Variants in RBPMS observed in about 807,000 individuals in gnomAD.
RBPMS encodes the protein RNA-binding protein with multiple splicing.
In RBPMS, 7 loss-of-function variants were observed where a neutral mutation model predicts 26.8. The ratio of observed to expected loss-of-function variants is 0.26; its 90% CI spans 0.15 to 0.49. The LOEUF is 0.49. Ranked by LOEUF, RBPMS falls within the 20% of genes least tolerant of loss-of-function variation. The pLI is 0.98. For missense variants in RBPMS, 186 were observed against 250.0 expected, an observed-to-expected ratio of 0.74 and a Z score of 1.73; for synonymous variants, 96 against 93.3, an observed-to-expected ratio of 1.03 and a Z score of -0.17.
chr8:30,411,873 C>T (rs984455046), intron 1 of RBPMS, among the ~76,000 whole-genome samples: 3 of 151,624 alleles, frequency 2.0e-5, no homozygotes, highest in Admixed American at 2.0e-4. Flanking sequence ...GTAATCCCAG[C>T]TACTCAGGAG....
chr8:30,532,031 GA>G (rs1824275293), intron 5 of RBPMS, among the ~76,000 whole-genome samples: 1 of 152,160 alleles, frequency 6.6e-6, no homozygotes, highest in African/African-American at 2.4e-5. Flanking sequence ...AGGGCTGTGA[GA>G]TTTCTTTTAA....
chr8:30,441,095 G>A (rs1229316261), intron 1 of RBPMS, among the ~76,000 whole-genome samples: 8 of 152,058 alleles, frequency 5.3e-5, no homozygotes, highest in Non-Finnish European at 1.5e-5. Context: ...TGGAACTACA[G>A]GAGTGAGCTA....
chr8:30,559,042 CT>C, intron 7 of RBPMS, 86 bp downstream of exon 7: 1 of 1,095,148 alleles, frequency 9.1e-7, no homozygotes, highest in Non-Finnish European at 1.4e-6. Flanking sequence ...AGCTCTCCTC[CT>C]TTCTCTGCAC....
chr8:30,418,413 G>A (rs1045877394), intron 1 of RBPMS, among the ~76,000 whole-genome samples: 1 of 152,102 alleles, frequency 6.6e-6, no homozygotes, highest in African/African-American at 2.4e-5. Flanking sequence ...GTAATCATTG[G>A]CTAGAAGAGG....
intron 1 of RBPMS, among the ~76,000 whole-genome samples, chr8:30,419,360 C>T (rs566151476): frequency 3.9e-5 from 6 of 151,990 alleles, no homozygotes; most frequent in East Asian, 1.9e-4. Context: ...GCAGGAGAAT[C>T]GCTTGAAACT....
chr8:30,510,817 C>T (rs932773235), intron 5 of RBPMS, among the ~76,000 whole-genome samples: 6 of 152,154 alleles, frequency 3.9e-5, no homozygotes, highest in Non-Finnish European at 8.8e-5. Flanking sequence ...AAGCAATCCA[C>T]CTGCCTTGGC....
intron 8 of RBPMS, among the ~76,000 whole-genome samples, chr8:30,570,357 G>C (rs1828191389): frequency 6.6e-6 from 1 of 152,180 alleles, no homozygotes; most frequent in Non-Finnish European, 1.5e-5. Context: ...AAGATGGCAG[G>C]AAAAGGAGTG....
At chr8:30,386,085 C>T (rs1339580224) in intron 1 of RBPMS, among the ~76,000 whole-genome samples, 1 of 152,172 alleles carries the variant, frequency 6.6e-6, no homozygotes, top group Non-Finnish European at 1.5e-5. Context: ...AGTTCTTAAA[C>T]ATTCTAGAGG....
At chr8:30,441,436 A>G (rs1813064338) in intron 1 of RBPMS, among the ~76,000 whole-genome samples, 1 of 152,220 alleles carries the variant, frequency 6.6e-6, no homozygotes. Flanking sequence ...ATTAGAAAAA[A>G]GTAAAGTTCA....
In RBPMS at chr8:30,443,921, C is replaced by G. The variant is rs183290743; in HGVS notation, c.67-30858C>G. 3.9e-3 allele frequency among the ~76,000 whole-genome samples: 568 copies of G among 146,666 alleles called. 4 individuals are homozygous for G. Among genetic ancestry groups the G allele is most frequent in the Non-Finnish European group, 5.2e-3 (349 of 66,880 alleles). On this transcript the variant is annotated intron_variant, in intron 1 of 8. Transcript: ENST00000397323. Reference sequence around the variant, plus strand: ...CAGATTTTGTATTGATTTATTAATTCACTGAGACAGAGTCTGTCTCTATTG... The same window carrying G: ...CAGATTTTGTATTGATTTATTAATTGACTGAGACAGAGTCTGTCTCTATTG...
intron 6 of RBPMS, among the ~76,000 whole-genome samples, chr8:30,551,406 G>T (rs1826366829): frequency 6.6e-6 from 1 of 152,156 alleles, no homozygotes; most frequent in African/African-American, 2.4e-5. Context: ...CTCACCCCAA[G>T]GAGACTTCCG....
chr8:30,461,426 G>A (rs1439024609), intron 1 of RBPMS, among the ~76,000 whole-genome samples: 3 of 152,020 alleles, frequency 2.0e-5, no homozygotes, highest in African/African-American at 4.8e-5. Context: ...ATGAAGCCTC[G>A]CCCTGTCGCC....
At chr8:30,555,344 C>T (rs549329704) in intron 6 of RBPMS, among the ~76,000 whole-genome samples, 1 of 152,262 alleles carries the variant, frequency 6.6e-6, no homozygotes, top group Admixed American at 6.5e-5. Context: ...AATAACTTAC[C>T]ACTATTGTTA....
intron 5 of RBPMS, among the ~76,000 whole-genome samples, chr8:30,506,133 C>T (rs1585694511): frequency 6.6e-6 from 1 of 152,152 alleles, no homozygotes; most frequent in African/African-American, 2.4e-5. Context: ...ACATGCTATA[C>T]AAAAGCAACA....
chr8:30,413,285 G>A (rs1433931459), intron 1 of RBPMS, among the ~76,000 whole-genome samples: 1 of 152,026 alleles, frequency 6.6e-6, no homozygotes, highest in Non-Finnish European at 1.5e-5. Flanking sequence ...TTGCCAGGCT[G>A]GTCTCAAACT....
intron 5 of RBPMS, among the ~76,000 whole-genome samples, chr8:30,543,005 G>A (rs1010797703): frequency 6.6e-6 from 1 of 152,198 alleles, no homozygotes; most frequent in South Asian, 2.1e-4. Flanking sequence ...CTCCCACCTA[G>A]ATGCACAGGC....
intron 1 of RBPMS, chr8:30,385,456 T>TGACCCAGGAG: frequency 3.6e-6 from 1 of 275,522 alleles, no homozygotes; most frequent in Non-Finnish European, 6.7e-6. Context: ...GACTCCTGGG[T>TGACCCAGGAG]GACCTCAGAT....
intron 4 of RBPMS, among the ~76,000 whole-genome samples, chr8:30,503,605 G>A (rs1328297537): frequency 6.6e-6 from 1 of 151,804 alleles, no homozygotes; most frequent in Non-Finnish European, 1.5e-5. Flanking sequence ...GTGGCGAGGG[G>A]GCGGGGGATG....
chr8:30,410,795 G>A (rs1270768790), intron 1 of RBPMS, among the ~76,000 whole-genome samples: 5 of 150,228 alleles, frequency 3.3e-5, no homozygotes, highest in African/African-American at 7.4e-5. Context: ...AAATGCAGTG[G>A]TGCAATCATA....
Sources: allele counts gnomAD v4.1 joint callset (sites outside exome capture counted in the v4.1 genomes callset), GRCh38; gene constraint gnomAD v4.1.1; transcripts MANE v1.5; gene names NCBI Gene and HGNC (gene_info 2026-07-23, HGNC 2026-07-21).